HCN2: variants seen among roughly 807,000 people sequenced by gnomAD.
HCN2 encodes the protein hyperpolarization activated cyclic nucleotide gated potassium and sodium channel 2.
Under a neutral mutation model 52.3 loss-of-function variants are expected in HCN2, and 20 were observed. The ratio of observed to expected loss-of-function variants is 0.38; its 90% CI spans 0.27 to 0.56. HCN2 has a LOEUF of 0.56. HCN2 is among the 20% of genes least tolerant of loss of function. The pLI is 0.71. For missense variants in HCN2, 981 were observed against 1,207.7 expected, an observed-to-expected ratio of 0.81 and a Z score of 2.78; for synonymous variants, 694 against 537.0, an observed-to-expected ratio of 1.29 and a Z score of -4.04.
intron 1 of HCN2, among the ~76,000 whole-genome samples, chr19:595,870 C>T (rs1391513182): frequency 2.0e-5 from 3 of 152,248 alleles, no homozygotes; most frequent in Non-Finnish European, 2.9e-5. Context: ...GGCCCCTAAT[C>T]CTCTCCCGGA....
intron 1 of HCN2, among the ~76,000 whole-genome samples, chr19:599,847 C>CGTGTGTGTGTGTGTGTGTGT (rs34793549): frequency 1.5e-5 from 2 of 133,302 alleles, no homozygotes; most frequent in Admixed American, 7.4e-5. Flanking sequence ...GAAGGGGTCC[C>CGTGTGTGTGTGTGTGTGTGT]GTGTGTGTGT....
chr19:616,035 G>C lies in HCN2; in HGVS notation c.2231G>C (p.Arg744Pro). 2 of 1,302,108 alleles carry C rather than the reference G, an allele frequency of 1.5e-6. No individual in the cohort carries two copies. Among genetic ancestry groups the C allele is most frequent in the Non-Finnish European group, 1.9e-6 (2 of 1,031,098 alleles). 80.7% of individuals were successfully genotyped at this position (1,302,108 alleles called of 1,614,324 possible). ...ATGAGCTTCTGCCCGCAGGTGGCGC[G>C]GCCGCTCGTGGGGCCGCTGGCGCTC... is the stretch of plus-strand genomic sequence containing the variant. ...AAMSFCPQVA[R>P]PLVGPLALGS... Residue 744 changes from arginine to proline, a missense_variant, in exon 8 of 8, where the codon CGG (arginine) becomes CCG (proline). By Grantham distance (103) the Arg-to-Pro change is moderately radical. Around this residue, in one of 6 missense-constraint regions of HCN2, gnomAD observed 368 missense variants for 314.8 expected, o/e 1.17. Coordinates refer to ENST00000251287, the MANE Select transcript of HCN2 (RefSeq NM_001194.4).
At chr19:606,381 G>A (rs1348171082) in intron 3 of HCN2, among the ~76,000 whole-genome samples, 4 of 151,852 alleles carry the variant, frequency 2.6e-5, no homozygotes, top group Non-Finnish European at 5.9e-5. Flanking sequence ...GATTACAGGC[G>A]TGAGCCACCG....
chr19:596,102 C>T (rs1983022164), intron 1 of HCN2, among the ~76,000 whole-genome samples: 1 of 152,242 alleles, frequency 6.6e-6, no homozygotes. Context: ...GCCGGGTCGG[C>T]GGCCTCCTCC....
chr19:615,373 G>C (rs1438540760), intron 7 of HCN2, among the ~76,000 whole-genome samples: 2 of 152,164 alleles, frequency 1.3e-5, no homozygotes, highest in Non-Finnish European at 2.9e-5. Context: ...AATTAGCCGG[G>C]TGTGGTGGCG....
Position 616,421 on chromosome 19 carries a change from G to T in HCN2, c.2617G>T (p.Gly873Cys). The change falls in exon 8 of 8, where the codon GGC becomes TGC. Residue 873 changes from glycine (G) to cysteine (C), a missense_variant. Gly to Cys is a radical substitution (Grantham distance 159). Coordinates refer to ENST00000251287, the MANE Select transcript of HCN2 (RefSeq NM_001194.4). ...RRDSASPGAA[G>C]GLDPQDSARS... is the part of the protein sequence containing the mutation. ...GGACTCGGCCTCACCCGGCGCCGCC[G>T]GCGGCCTGGACCCCCAGGACTCCGC... 8.1e-7 allele frequency: 1 copy of T among 1,240,678 alleles called. No homozygotes were observed. Among genetic ancestry groups the T allele is most frequent in the Non-Finnish European group, 1.0e-6 (1 of 989,746 alleles). 76.9% of individuals were successfully genotyped at this position (1,240,678 alleles called of 1,614,324 possible).
chr19:607,896 C>G, intron 3 of HCN2, 68 bp from the exon 4 acceptor site: 1 of 1,253,264 alleles, frequency 8.0e-7, no homozygotes, highest in Non-Finnish European at 1.1e-6. Context: ...GGCGCTGGGC[C>G]CTTGAGGACC....
rs895669229 is a variant in HCN2 at position 592,088 on chromosome 19, C to T, written c.632+1511C>T. The stretch of plus-strand genomic sequence containing the variant: ...TGGTCAGCATCTGGGCTCTGGCCTG[C>T]GAAATGTGGACAGTGAGCGGGAAGG... On this transcript the variant is annotated intron_variant, in intron 1 of 7. Coordinates refer to ENST00000251287, the MANE Select transcript of HCN2 (RefSeq NM_001194.4). This position sits in a 1 kb window ranked among gnomAD's most constrained non-coding sequence, Gnocchi z 4.8. Among the ~76,000 whole-genome samples, 39 of 152,192 alleles carry T rather than the reference C, an allele frequency of 2.6e-4. 1 individual carries two copies. Among genetic ancestry groups the T allele is most frequent in the South Asian group, 6.2e-4 (3 of 4,832 alleles).
intron 5 of HCN2, 101 bp from the exon 6 acceptor site, chr19:613,147 G>C: frequency 7.0e-7 from 1 of 1,431,362 alleles, no homozygotes; most frequent in Non-Finnish European, 9.4e-7. Flanking sequence ...TCTCTCAGAC[G>C]AGGAAACTGG....
chr19:613,202 C>A (rs1307871853), intron 5 of HCN2, 46 bp from the exon 6 acceptor site: 1 of 1,561,156 alleles, frequency 6.4e-7, no homozygotes, highest in Non-Finnish European at 8.7e-7. Flanking sequence ...GAGGGGGAAG[C>A]GGGAGTGGGG....
chr19:599,102 C>T (rs72972200), intron 1 of HCN2, among the ~76,000 whole-genome samples: 6,018 of 152,366 alleles, frequency 0.039, 157 homozygotes, highest in Middle Eastern at 0.092. Context: ...GATGCCACCA[C>T]GATGTGAGTC....
chr19:599,065 C>G (rs929979771), intron 1 of HCN2, among the ~76,000 whole-genome samples: 2 of 152,266 alleles, frequency 1.3e-5, no homozygotes, highest in Non-Finnish European at 2.9e-5. Flanking sequence ...ACTGTGCCAG[C>G]AGGCGGGTGC....
chr19:600,570 C>T (rs997428333), intron 1 of HCN2, among the ~76,000 whole-genome samples: 1 of 151,986 alleles, frequency 6.6e-6, no homozygotes, highest in Non-Finnish European at 1.5e-5. Flanking sequence ...TGGTCCTGAT[C>T]TCTTGACCTC....
rs1004691183 is a variant in HCN2 at position 590,797 on chromosome 19, C to T, written c.632+220C>T. The T allele has an allele frequency of 7.5e-5, 22 of 294,004 alleles. No individual in the cohort carries two copies. Among genetic ancestry groups the T allele is most frequent in the African/African-American group, 4.2e-4 (19 of 45,062 alleles). The allele number at this position is 294,004 out of a possible 1,614,324, so 18.2% of individuals were successfully genotyped here. ...CTCCCCGGGTGACCGCGGAGCGCCC[C>T]CCTCCCACGCACCCCGACATCCTCC... is the stretch of plus-strand genomic sequence containing the variant. On this transcript the variant is annotated intron_variant, in intron 1 of 7. Coordinates refer to ENST00000251287, the MANE Select transcript of HCN2 (RefSeq NM_001194.4). The surrounding 1 kb of genome is among the most constrained non-coding windows in gnomAD (Gnocchi z 7.2).
chr19:612,427 T>TGTGTGTGTTTGTGTGAGA, intron 5 of HCN2, among the ~76,000 whole-genome samples: 10 of 142,256 alleles, frequency 7.0e-5, no homozygotes, highest in Non-Finnish European at 1.5e-4. Flanking sequence ...TGTGTGTGTG[T>TGTGTGTGTTTGTGTGAGA]GAGAGAGAGA....
rs754531486 is a variant in HCN2 at position 590,506 on chromosome 19, G to A, written c.561G>A (p.Lys187=). 2.6e-6 allele frequency: 4 copies of A among 1,521,804 alleles called. No homozygotes were observed. Among genetic ancestry groups the A allele is most frequent in the East Asian group, 2.7e-5 (1 of 37,104 alleles). The allele number at this position is 1,521,804 out of a possible 1,614,324, so 94.3% of individuals were successfully genotyped here. The change falls in exon 1 of 8, where the codon AAG becomes AAA. Residue 187 remains lysine (K), a synonymous_variant. Transcript: ENST00000251287. The surrounding 1 kb of genome is among the most constrained non-coding windows in gnomAD (Gnocchi z 7.2). ...KFSLRMFGSQ[K]AVEREQERVK... is the part of the protein sequence containing the mutation. The stretch of plus-strand genomic sequence containing the variant: ...CGCTGCGGATGTTCGGCAGCCAGAA[G>A]GCCGTGGAGCGCGAGCAGGAGCGCG...
intron 4 of HCN2, among the ~76,000 whole-genome samples, chr19:609,680 C>T (rs957193927): frequency 6.6e-6 from 1 of 151,904 alleles, no homozygotes; most frequent in Non-Finnish European, 1.5e-5. Context: ...GTGGGAGGAT[C>T]CCTTGAGCCC....
chr19:591,582 G>C lies in HCN2; in HGVS notation c.632+1005G>C, dbSNP rs549535136. ...GTGTGTTTGTGTATCCACGAGTGGG[G>C]TGTGAGGTGGGGTGTGGAGGGTGCA... is the stretch of plus-strand genomic sequence containing the variant. On this transcript the variant is annotated intron_variant, in intron 1 of 7. Transcript: ENST00000251287. This position sits in a 1 kb window ranked among gnomAD's most constrained non-coding sequence, Gnocchi z 4.1. Among the ~76,000 whole-genome samples, 2 of 152,130 alleles carry C rather than the reference G, an allele frequency of 1.3e-5. No homozygotes were observed. Among genetic ancestry groups the C allele is most frequent in the African/African-American group, 4.8e-5 (2 of 41,430 alleles).
rs1425948713 is a variant in HCN2 at position 616,364 on chromosome 19, G to T, written c.2560G>T (p.Ala854Ser). Residue 854 changes from alanine (A) to serine (S), a missense_variant, in exon 8 of 8, where the codon GCC becomes TCC. By Grantham distance (99) the Ala-to-Ser change is moderately conservative. This residue lies in a region of HCN2 where 368 missense variants were observed against 314.8 expected (regional missense o/e 1.17). Coordinates refer to ENST00000251287, the MANE Select transcript of HCN2 (RefSeq NM_001194.4). Reference sequence around the variant, plus strand: ...ACCGCGCTTGGGGCCCACGCCCGCTGCCCGGGCCGCCGCGCCCAGCCCGGA... The same window carrying T: ...ACCGCGCTTGGGGCCCACGCCCGCTTCCCGGGCCGCCGCGCCCAGCCCGGA... Reference protein sequence around the residue: ...STPRLGPTPAARAAAPSPDRR... With the variant: ...STPRLGPTPASRAAAPSPDRR... 3 of 1,221,434 alleles carry T rather than the reference G, an allele frequency of 2.5e-6. No homozygotes were observed. Among genetic ancestry groups the T allele is most frequent in the East Asian group, 9.3e-5 (2 of 21,594 alleles). The allele number at this position is 1,221,434 out of a possible 1,614,324, so 75.7% of individuals were successfully genotyped here.
Sources: gnomAD v4.1 joint callset for allele counts (sites outside exome capture counted in the v4.1 genomes callset) on GRCh38, gnomAD v4.1.1 for gene constraint, gnomAD v4.1.1 regional missense constraint, Gnocchi (gnomAD v3.1) non-coding constraint, MANE v1.5 for transcripts, NCBI Gene and HGNC (gene_info 2026-07-23, HGNC 2026-07-21) for gene names.